The following CSMD1 variants were observed in gnomAD, a reference collection of about 807,000 sequenced individuals.
CSMD1 encodes CUB and sushi domain-containing protein 1.
Under a neutral mutation model 417.5 loss-of-function variants are expected in CSMD1, and 213 were observed. The ratio of observed to expected loss-of-function variants is 0.51; its 90% confidence interval spans 0.46 to 0.57. The LOEUF is 0.57. CSMD1 is among the 20% of genes least tolerant of loss of function. The pLI is 0.00. For synonymous variants in CSMD1, 2,862 were observed against 1,736.8 expected (o/e 1.65, Z -16.11); for missense variants, 6,923 against 4,529.7 (o/e 1.53, Z -15.17).
intron 3 of CSMD1, among the ~76,000 whole-genome samples, chr8:4,108,102 A>G (rs547117655): frequency 6.6e-6 from 1 of 151,998 alleles, no homozygotes; most frequent in South Asian, 2.1e-4. Flanking sequence ...AGAACAAGAA[A>G]AAGACGGAGG....
chr8:3,429,034 G>C (rs1348039635), intron 12 of CSMD1, among the ~76,000 whole-genome samples: 1 of 152,138 alleles, frequency 6.6e-6, no homozygotes, highest in East Asian at 1.9e-4. Context: ...CAGAGACTGG[G>C]GGAGGCAGGA....
At chr8:4,119,742 G>T (rs1802373684) in intron 3 of CSMD1, among the ~76,000 whole-genome samples, 1 of 152,174 alleles carries the variant, frequency 6.6e-6, no homozygotes, top group African/African-American at 2.4e-5. Flanking sequence ...TCCAAACAGT[G>T]GGAAATGAAC....
At chr8:3,668,602 G>C (rs1056787788) in intron 7 of CSMD1, among the ~76,000 whole-genome samples, 5 of 152,050 alleles carry the variant, frequency 3.3e-5, no homozygotes, top group African/African-American at 1.2e-4. Flanking sequence ...ATATGCAAAA[G>C]AGACGAAGCC....
intron 1 of CSMD1, chr8:4,788,278 C>T: frequency 1.3e-6 from 2 of 1,589,696 alleles, no homozygotes; most frequent in African/African-American, 1.3e-5. Context: ...GGCATTCCTA[C>T]TGTATTTGTG....
chr8:3,286,329 T>C (rs1167785442), intron 25 of CSMD1, among the ~76,000 whole-genome samples: 2 of 152,210 alleles, frequency 1.3e-5, no homozygotes, highest in African/African-American at 4.8e-5. Context: ...TATAATCCTT[T>C]GGGTATATAC....
intron 3 of CSMD1, among the ~76,000 whole-genome samples, chr8:4,129,106 A>C (rs988999036): frequency 2.0e-5 from 3 of 151,730 alleles, no homozygotes; most frequent in Non-Finnish European, 4.4e-5. Flanking sequence ...AACAAAAAAA[A>C]CAGAATTTTT....
At chr8:2,964,013 T>C (rs775414096) in intron 59 of CSMD1, among the ~76,000 whole-genome samples, 8 of 152,156 alleles carry the variant, frequency 5.3e-5, no homozygotes, top group Non-Finnish European at 8.8e-5. Flanking sequence ...CCGAGGGTGA[T>C]GTCACGAGAG....
At chr8:3,303,974 C>G (rs527964340) in intron 25 of CSMD1, among the ~76,000 whole-genome samples, 1 of 149,298 alleles carries the variant, frequency 6.7e-6, no homozygotes, top group Non-Finnish European at 1.5e-5. Flanking sequence ...TTGGGGTATT[C>G]GATTACCTCA....
chr8:3,861,083 C>G (rs1447191180), intron 5 of CSMD1, among the ~76,000 whole-genome samples: 1 of 152,150 alleles, frequency 6.6e-6, no homozygotes, highest in Non-Finnish European at 1.5e-5. Context: ...AGCTGTAATG[C>G]CAACTTCTAG....
At chr8:4,651,348 G>A (rs957278853) in intron 1 of CSMD1, among the ~76,000 whole-genome samples, 5 of 152,076 alleles carry the variant, frequency 3.3e-5, no homozygotes, top group African/African-American at 4.8e-5. Context: ...TAATAGCGTT[G>A]AATATTCAAG....
At chr8:4,488,892 G>T (rs1300156160) in intron 2 of CSMD1, among the ~76,000 whole-genome samples, 1 of 152,124 alleles carries the variant, frequency 6.6e-6, no homozygotes, top group East Asian at 1.9e-4. Flanking sequence ...TGCAGAATGT[G>T]CATGCCTTCA....
intron 3 of CSMD1, among the ~76,000 whole-genome samples, chr8:4,058,492 TG>T (rs1798811438): frequency 6.6e-6 from 1 of 152,188 alleles, no homozygotes; most frequent in African/African-American, 2.4e-5. Context: ...AGGGACAATT[TG>T]CCTTCCTCTT....
At chr8:3,162,376 A>T in intron 37 of CSMD1, 99 bp from the exon 38 acceptor site, 1 of 776,750 alleles carries the variant, frequency 1.3e-6, no homozygotes, top group African/African-American at 1.7e-5. Context: ...CCTTCTGTAG[A>T]AATGAACAAA....
At chr8:4,210,677 C>G (rs368371058) in intron 3 of CSMD1, among the ~76,000 whole-genome samples, 3 of 152,140 alleles carry the variant, frequency 2.0e-5, no homozygotes, top group South Asian at 2.1e-4. Flanking sequence ...TGAAGAAAGC[C>G]AATTTTCCAC....
intron 12 of CSMD1, among the ~76,000 whole-genome samples, chr8:3,414,798 G>T (rs1372503098): frequency 6.6e-6 from 1 of 152,128 alleles, no homozygotes; most frequent in Non-Finnish European, 1.5e-5. Context: ...CTTCACACCT[G>T]CTGTAAATAT....
chr8:3,182,592 G>C (rs1321233424), intron 36 of CSMD1, among the ~76,000 whole-genome samples: 1 of 49,078 alleles, frequency 2.0e-5, no homozygotes, highest in African/African-American at 5.1e-5. Context: ...GTGTGTGTGT[G>C]TGTGTGTGTG....
At chr8:4,462,929 C>G (rs989282367) in intron 2 of CSMD1, among the ~76,000 whole-genome samples, 1 of 152,004 alleles carries the variant, frequency 6.6e-6, no homozygotes, top group African/African-American at 2.4e-5. Flanking sequence ...GATATGACAT[C>G]AAAAGCACAA....
chr8:3,337,063 G>A (rs1295945171), intron 23 of CSMD1, among the ~76,000 whole-genome samples: 1 of 152,084 alleles, frequency 6.6e-6, no homozygotes, highest in African/African-American at 2.4e-5. Flanking sequence ...GGGTTGGCCA[G>A]GCCTTGCTGT....
intron 12 of CSMD1, among the ~76,000 whole-genome samples, chr8:3,434,068 G>T (rs946786189): frequency 6.6e-6 from 1 of 152,176 alleles, no homozygotes; most frequent in Admixed American, 6.5e-5. Flanking sequence ...TTGATTATGA[G>T]ACCTGAGGTC....
Sources: allele counts gnomAD v4.1 joint callset (sites outside exome capture counted in the v4.1 genomes callset), GRCh38; gene constraint gnomAD v4.1.1; transcripts MANE v1.5; gene names NCBI Gene and HGNC (gene_info 2026-07-23, HGNC 2026-07-21).